The following UBE2G1 variants were observed in gnomAD, a reference collection of about 807,000 sequenced individuals.
UBE2G1 encodes ubiquitin-conjugating enzyme E2 G1.
UBE2G1 carries 5 observed loss-of-function variants against 22.7 expected under a neutral mutation model. That is an observed-to-expected ratio of 0.22 (90% CI 0.12 to 0.46). The LOEUF is 0.46. UBE2G1 is among the 20% of genes least tolerant of loss of function. The pLI is 0.99. For synonymous variants in UBE2G1, 74 were observed against 67.5 expected (o/e 1.10, Z -0.47); for missense variants, 88 against 203.9 (o/e 0.43, Z 3.46).
intron 1 of UBE2G1, among the ~76,000 whole-genome samples, chr17:4,347,469 C>CTTCTTTT (rs1365147905): frequency 2.2e-5 from 2 of 89,556 alleles, no homozygotes; most frequent in African/African-American, 4.8e-5. Flanking sequence ...AGTATTTCTT[C>CTTCTTTT]TTTTTTTTTT....
intron 1 of UBE2G1, among the ~76,000 whole-genome samples, chr17:4,330,461 G>A (rs116264250): frequency 0.016 from 2,390 of 152,260 alleles, 57 homozygotes; most frequent in African/African-American, 0.054. Flanking sequence ...ATTTCAGCCA[G>A]TCGCGGTGGC....
chr17:4,337,693 A>G (rs951267356), intron 1 of UBE2G1, among the ~76,000 whole-genome samples: 1 of 152,008 alleles, frequency 6.6e-6, no homozygotes, highest in Non-Finnish European at 1.5e-5. Context: ...AAGAAGAGAA[A>G]AAAATCTTTG....
At chr17:4,320,522 G>C (rs997587548) in intron 1 of UBE2G1, among the ~76,000 whole-genome samples, 29 of 152,208 alleles carry the variant, frequency 1.9e-4, no homozygotes, top group African/African-American at 6.5e-4. Context: ...TGCATGCACT[G>C]AAAGGTGGAT....
chr17:4,327,386 C>T (rs977472963), intron 1 of UBE2G1, among the ~76,000 whole-genome samples: 1 of 152,014 alleles, frequency 6.6e-6, no homozygotes, highest in Non-Finnish European at 1.5e-5. Context: ...GCAGGAGATT[C>T]GCTTGGAACC....
chr17:4,291,161 G>A (rs1262776153), intron 3 of UBE2G1, among the ~76,000 whole-genome samples: 2 of 152,122 alleles, frequency 1.3e-5, no homozygotes, highest in Admixed American at 1.3e-4. Context: ...AGGAGTTTGA[G>A]GCCAGCCTGG....
At chr17:4,297,873 T>C (rs181102175) in intron 2 of UBE2G1, among the ~76,000 whole-genome samples, 5 of 152,326 alleles carry the variant, frequency 3.3e-5, no homozygotes, top group Admixed American at 2.0e-4. Context: ...AGAATCATGA[T>C]TGTGGTTGTT....
Position 4,273,514 on chromosome 17 carries a change from A to AT in UBE2G1, c.*38-999dup, listed in dbSNP as rs559574668. 6.8e-3 allele frequency among the ~76,000 whole-genome samples: 1,025 copies of AT among 150,930 alleles called. 9 individuals are homozygous for AT. The highest frequency in any genetic ancestry group is 0.022 in the African/African-American group (917 of 41,086). ...CACCACCATGCCCAGATAATTTTTAATTTTTTTTTGTAGAAACAGGGTCCT... is the reference window on the plus strand; with the variant it reads ...CACCACCATGCCCAGATAATTTTTAATTTTTTTTTTGTAGAAACAGGGTCCT... On this transcript the variant is annotated intron_variant, in intron 5 of 5. Coordinates refer to ENST00000396981, the MANE Select transcript of UBE2G1 (RefSeq NM_003342.5).
At chr17:4,283,214 T>C (rs1323139545) in intron 4 of UBE2G1, among the ~76,000 whole-genome samples, 1 of 152,208 alleles carries the variant, frequency 6.6e-6, no homozygotes, top group East Asian at 1.9e-4. Context: ...AGCTAAAATA[T>C]ACCAATAAGA....
chr17:4,344,497 G>A (rs147285786), intron 1 of UBE2G1, among the ~76,000 whole-genome samples: 9 of 151,512 alleles, frequency 5.9e-5, no homozygotes, highest in African/African-American at 1.5e-4. Context: ...CCGAGATTGC[G>A]CCACTGCACT....
chr17:4,282,736 T>C (rs1368419904), intron 5 of UBE2G1, 62 bp downstream of exon 5: 1 of 1,113,114 alleles, frequency 9.0e-7, no homozygotes, highest in East Asian at 2.6e-5. Context: ...AATCACACAA[T>C]TTCCAAAAAC....
At position 4,348,087 on chromosome 17, in the gene UBE2G1, C is replaced by T. The variant is rs551732995; in HGVS notation, c.46+18184G>A. On this transcript the variant is annotated intron_variant, in intron 1 of 5. Coordinates refer to ENST00000396981, the MANE Select transcript of UBE2G1 (RefSeq NM_003342.5). ...TAGAAACGATTAAGATTAGTGGACA[C>T]CTGGCCAAGAAATTTTAAAAGTTAG... Among the ~76,000 whole-genome samples, 4 of 152,178 alleles carry T rather than the reference C, an allele frequency of 2.6e-5. No individual in the cohort carries two copies. In the East Asian group the frequency reaches 7.7e-4, roughly 29 times the overall value.
chr17:4,359,149 G>A (rs1456251342), intron 1 of UBE2G1, among the ~76,000 whole-genome samples: 8 of 151,882 alleles, frequency 5.3e-5, no homozygotes, highest in African/African-American at 1.9e-4. Flanking sequence ...TTTGATAAAA[G>A]GAAAAGTGTC....
Position 4,282,800 on chromosome 17 carries a change from T to G in UBE2G1, c.*35A>C. 6.3e-7 allele frequency: 1 copy of G among 1,576,276 alleles called. No homozygotes were observed. Among genetic ancestry groups the G allele is most frequent in the Non-Finnish European group, 8.6e-7 (1 of 1,156,926 alleles). ...TATGATATTTAAAATAAACTTACCC[T>G]GAAATAAGTGAAGTTACTAGCTGCT... On this transcript the variant is annotated splice_region_variant and 3_prime_UTR_variant, in exon 5 of 6. Coordinates refer to ENST00000396981, the MANE Select transcript of UBE2G1 (RefSeq NM_003342.5).
chr17:4,285,974 A>G (rs955984655), intron 4 of UBE2G1, among the ~76,000 whole-genome samples: 1 of 151,926 alleles, frequency 6.6e-6, no homozygotes, highest in African/African-American at 2.4e-5. Flanking sequence ...AATTGGAGCC[A>G]AAGAAGAAAG....
Position 4,317,516 on chromosome 17 carries a change from G to A in UBE2G1, c.47-10393C>T, listed in dbSNP as rs983394812. ...CCTGGGAAATACAGAGTGAGACCCT[G>A]TCTCAAAAAACAACAAAACAAAAAA... is the stretch of plus-strand genomic sequence containing the variant. On this transcript the variant is annotated intron_variant, in intron 1 of 5. Coordinates refer to ENST00000396981, the MANE Select transcript of UBE2G1 (RefSeq NM_003342.5). Among the ~76,000 whole-genome samples, 49 of 152,250 alleles carry A rather than the reference G, an allele frequency of 3.2e-4. 1 individual carries two copies. Among genetic ancestry groups the A allele is most frequent in the African/African-American group, 1.2e-3 (48 of 41,540 alleles).
intron 3 of UBE2G1, among the ~76,000 whole-genome samples, chr17:4,291,789 A>C (rs1398108438): frequency 6.6e-6 from 1 of 152,150 alleles, no homozygotes; most frequent in African/African-American, 2.4e-5. Context: ...ATGCTGTTTA[A>C]ATTTCATATA....
At chr17:4,308,526 A>G (rs1417151368) in intron 1 of UBE2G1, among the ~76,000 whole-genome samples, 3 of 152,218 alleles carry the variant, frequency 2.0e-5, no homozygotes, top group African/African-American at 7.2e-5. Flanking sequence ...CTCCATCTCA[A>G]AAAGAAAAAA....
chr17:4,278,089 G>A (rs1968842128), intron 5 of UBE2G1, among the ~76,000 whole-genome samples: 4 of 152,134 alleles, frequency 2.6e-5, no homozygotes, highest in Admixed American at 1.3e-4. Flanking sequence ...TAGTGGAGAC[G>A]GGGTTTCACC....
intron 1 of UBE2G1, 149 bp downstream of exon 1, chr17:4,366,122 C>T (rs973455950): frequency 1.3e-6 from 1 of 786,736 alleles, no homozygotes; most frequent in Non-Finnish European, 1.8e-6. Flanking sequence ...ACGGCTGGGC[C>T]CGGCCGGGAC....
Sources: allele counts gnomAD v4.1 joint callset (sites outside exome capture counted in the v4.1 genomes callset), GRCh38; gene constraint gnomAD v4.1.1; transcripts MANE v1.5; gene names NCBI Gene and HGNC (gene_info 2026-07-23, HGNC 2026-07-21).